The following ADAM22 variants were observed in gnomAD, a reference collection of about 807,000 sequenced individuals.
ADAM22 encodes the protein ADAM metallopeptidase domain 22, also known as disintegrin and metalloproteinase domain-containing protein 22.
In ADAM22, 65 loss-of-function variants were observed where a neutral mutation model predicts 144.6. The ratio of observed to expected loss-of-function variants is 0.45; its 90% CI spans 0.37 to 0.55. The LOEUF is 0.55. Ranked by LOEUF, ADAM22 falls within the 20% of genes least tolerant of loss-of-function variation. The probability of loss-of-function intolerance (pLI) is 0.00; values close to 1 mark genes in which losing one functional copy is unlikely to be tolerated. For synonymous variants in ADAM22, 391 were observed against 412.6 expected, an observed-to-expected ratio of 0.95 and a Z score of 0.63; for missense variants, 974 against 1,184.9, an observed-to-expected ratio of 0.82 and a Z score of 2.61.
intron 3 of ADAM22, among the ~76,000 whole-genome samples, chr7:87,991,849 A>G (rs926409789): frequency 6.6e-6 from 1 of 152,250 alleles, no homozygotes; most frequent in African/African-American, 2.4e-5. Flanking sequence ...GGTGATAATC[A>G]GAATTTTAAA....
At chr7:88,015,415 G>GT (rs1369007871) in intron 3 of ADAM22, among the ~76,000 whole-genome samples, 1 of 152,164 alleles carries the variant, frequency 6.6e-6, no homozygotes, top group Non-Finnish European at 1.5e-5. Flanking sequence ...TAACCAGGCT[G>GT]TATTCACCAT....
At position 87,991,000 on chromosome 7, in the gene ADAM22, A is replaced by T. The variant is rs184531394; in HGVS notation, c.323+12588A>T. ...TTTAAAATAATTGAATGTAGAATGG[A>T]CTTGTGGATTTTTATTTATGTGATA... On this transcript the variant is annotated intron_variant, in intron 3 of 31. Transcript: ENST00000413139. Among the ~76,000 whole-genome samples, 25 of 152,200 alleles carry T rather than the reference A, an allele frequency of 1.6e-4. No individual in the cohort carries two copies. The East Asian group carries it at 4.2e-3, about 26-fold the overall frequency.
chr7:87,971,733 T>C (rs75002538), intron 2 of ADAM22, among the ~76,000 whole-genome samples: 4,196 of 152,346 alleles, frequency 0.028, 190 homozygotes, highest in African/African-American at 0.095. Flanking sequence ...ACTGATTCTC[T>C]CTTCTCAAAC....
intron 26 of ADAM22, 127 bp downstream of exon 26, chr7:88,171,688 G>A (rs1449695567): frequency 7.1e-6 from 5 of 704,422 alleles, no homozygotes; most frequent in African/African-American, 1.9e-5. Context: ...TACACTAATC[G>A]ATTTTTCATT....
chr7:88,023,563 G>A (rs1446275773), intron 3 of ADAM22, among the ~76,000 whole-genome samples: 1 of 152,058 alleles, frequency 6.6e-6, no homozygotes, highest in Non-Finnish European at 1.5e-5. Flanking sequence ...GGGATTACAG[G>A]CATGAGCCAC....
chr7:88,073,823 T>C (rs1438350242), intron 3 of ADAM22, among the ~76,000 whole-genome samples: 1 of 152,210 alleles, frequency 6.6e-6, no homozygotes, highest in East Asian at 1.9e-4. Context: ...CCCAAGCTAA[T>C]AACACCTGCT....
chr7:87,941,453 G>A (rs923798808), intron 2 of ADAM22, among the ~76,000 whole-genome samples: 8 of 152,076 alleles, frequency 5.3e-5, no homozygotes, highest in African/African-American at 1.9e-4. Flanking sequence ...GCGGAAAATG[G>A]CTCCTAGGAA....
intron 2 of ADAM22, 29 bp from the exon 3 acceptor site, chr7:87,978,307 A>T: frequency 6.3e-7 from 1 of 1,587,642 alleles, no homozygotes; most frequent in South Asian, 1.1e-5. Context: ...CTGAGTAATA[A>T]ATAACCTTTT....
At chr7:88,050,178 G>A (rs1393332742) in intron 3 of ADAM22, among the ~76,000 whole-genome samples, 1 of 144,044 alleles carries the variant, frequency 6.9e-6, no homozygotes, top group Non-Finnish European at 1.5e-5. Context: ...GAAGCCAAGA[G>A]TTCGAGAACA....
chr7:88,147,455 T>A (rs1265777223), intron 17 of ADAM22, among the ~76,000 whole-genome samples: 2 of 152,232 alleles, frequency 1.3e-5, no homozygotes, highest in Non-Finnish European at 2.9e-5. Flanking sequence ...AAAGTTTCTG[T>A]TGCAGCTCAG....
chr7:88,084,845 A>G (rs1332893710), intron 4 of ADAM22, among the ~76,000 whole-genome samples: 1 of 152,172 alleles, frequency 6.6e-6, no homozygotes, highest in Non-Finnish European at 1.5e-5. Context: ...TGTTCTCTCA[A>G]TTCTGAAAGC....
Position 88,199,404 on chromosome 7 carries a change from A to G in ADAM22, c.*2913A>G, listed in dbSNP as rs1850990739. 1 of 152,224 alleles carries G rather than the reference A, an allele frequency of 6.6e-6. No homozygotes were observed. The highest frequency in any genetic ancestry group is 6.5e-5 in the Admixed American group (1 of 15,282). 9.4% of individuals were successfully genotyped at this position (152,224 alleles called of 1,614,324 possible). A position where few individuals can be genotyped will look rare whatever the true frequency, so the allele number is the denominator to read the frequency against. On this transcript the variant is annotated 3_prime_UTR_variant, in exon 32 of 32. Coordinates refer to ENST00000413139, the MANE Select transcript of ADAM22 (RefSeq NM_001324418.2). ...TTATCCATAGTCATTGCAGTGCAGT[A>G]AACCCTGATTTAAAGGAACATTTAA...
chr7:88,125,733 G>A, intron 8 of ADAM22, 74 bp downstream of exon 8: 1 of 1,239,234 alleles, frequency 8.1e-7, no homozygotes, highest in Admixed American at 2.4e-5. Context: ...TCTACAGTAA[G>A]TCTGTGTGAG....
intron 2 of ADAM22, among the ~76,000 whole-genome samples, chr7:87,953,436 A>G (rs1332762485): frequency 5.3e-5 from 8 of 152,036 alleles, no homozygotes; most frequent in Admixed American, 5.2e-4. Flanking sequence ...TTCAGTTTCC[A>G]TGTAGTTGAG....
At chr7:88,048,077 CTT>C (rs1404618550) in intron 3 of ADAM22, among the ~76,000 whole-genome samples, 2 of 152,050 alleles carry the variant, frequency 1.3e-5, no homozygotes, top group Non-Finnish European at 2.9e-5. Context: ...ACTTCCACAA[CTT>C]TTGAAATAAA....
At position 88,108,209 on chromosome 7, in the gene ADAM22, C is replaced by T; in HGVS notation, c.424C>T (p.Arg142Ter). 8 of 1,613,760 alleles carry T rather than the reference C, an allele frequency of 5.0e-6. No individual in the cohort carries two copies. Among genetic ancestry groups the T allele is most frequent in the Non-Finnish European group, 6.8e-6 (8 of 1,179,886 alleles). Reference protein sequence around the residue: ...GEHCYYQGHIRGNPDSFVALS... With the variant: ...GEHCYYQGHI ...GCACTGTTACTACCAGGGCCATATC[C>T]GAGGAAACCCTGACTCATTTGTTGC... Residue 142 changes from arginine to a stop codon, truncating the protein, a stop_gained, in exon 5 of 32, where the codon CGA becomes TGA. Coordinates refer to ENST00000413139, the MANE Select transcript of ADAM22 (RefSeq NM_001324418.2). LOFTEE classifies it high-confidence loss of function.
At chr7:87,973,229 TCAAA>T (rs1235649252) in intron 2 of ADAM22, among the ~76,000 whole-genome samples, 1 of 151,802 alleles carries the variant, frequency 6.6e-6, no homozygotes, top group Non-Finnish European at 1.5e-5. Context: ...TACAACGAAC[TCAAA>T]CAAATTTACA....
intron 4 of ADAM22, among the ~76,000 whole-genome samples, chr7:88,077,446 T>A (rs1814925783): frequency 6.6e-6 from 1 of 152,158 alleles, no homozygotes. Flanking sequence ...TTTCTGCATT[T>A]CCAACTGAGG....
intron 4 of ADAM22, among the ~76,000 whole-genome samples, chr7:88,089,337 A>G (rs1244435185): frequency 6.6e-6 from 1 of 152,168 alleles, no homozygotes; most frequent in Admixed American, 6.6e-5. Context: ...AGAGCTATCC[A>G]TACCCTTGCA....
Sources: gnomAD v4.1 joint callset for allele counts (sites outside exome capture counted in the v4.1 genomes callset) on GRCh38, gnomAD v4.1.1 for gene constraint, MANE v1.5 for transcripts, NCBI Gene and HGNC (gene_info 2026-07-23, HGNC 2026-07-21) for gene names.